The following KPNA6 variants were observed in gnomAD, a reference collection of about 807,000 sequenced individuals.
KPNA6 encodes importin subunit alpha-7.
A neutral mutation model predicts 72.0 loss-of-function variants in KPNA6; 9 were observed. That is an observed-to-expected ratio of 0.13 (90% CI 0.08 to 0.22). KPNA6 has a LOEUF of 0.22. Ranked by LOEUF, KPNA6 falls within the 10% of genes least tolerant of loss-of-function variation. KPNA6 has a pLI of 1.00. For synonymous variants in KPNA6, 219 were observed against 242.1 expected, an observed-to-expected ratio of 0.90 and a Z score of 0.89; for missense variants, 374 against 655.7, an observed-to-expected ratio of 0.57 and a Z score of 4.69.
chr1:32,118,121 A>G (rs1457655020), intron 1 of KPNA6, among the ~76,000 whole-genome samples: 1 of 151,938 alleles, frequency 6.6e-6, no homozygotes, highest in African/African-American at 2.4e-5. Context: ...ACGGGGTTTC[A>G]CCATGTTGGT....
In KPNA6 at chr1:32,127,472, A is replaced by G. The variant is rs1407780756; in HGVS notation, c.4+19338A>G. ...GATGAATTACATACAGGTTAGAGAAATCCCTGTTTCCAATTTGTCAGAAGG... is the reference window on the plus strand; with the variant it reads ...GATGAATTACATACAGGTTAGAGAAGTCCCTGTTTCCAATTTGTCAGAAGG... On this transcript the variant is annotated intron_variant, in intron 1 of 13. Coordinates refer to ENST00000373625, the MANE Select transcript of KPNA6 (RefSeq NM_012316.5). 2.0e-5 allele frequency among the ~76,000 whole-genome samples: 3 copies of G among 152,234 alleles called. No individual in the cohort carries two copies. In the East Asian group the frequency reaches 5.8e-4, roughly 29 times the overall value.
chr1:32,128,387 TTATATATATATATATATATA>T (rs67312157), intron 1 of KPNA6, among the ~76,000 whole-genome samples: 726 of 72,174 alleles, frequency 0.01, 34 homozygotes, highest in African/African-American at 0.031. Flanking sequence ...ATATATGTAT[TTATATATATATATATATATA>T]TATATATATA....
At chr1:32,164,017 A>G (rs1642287625) in intron 10 of KPNA6, among the ~76,000 whole-genome samples, 1 of 152,200 alleles carries the variant, frequency 6.6e-6, no homozygotes. Context: ...GAAATTTTTT[A>G]TCATCTCAAA....
intron 1 of KPNA6, among the ~76,000 whole-genome samples, chr1:32,140,375 C>T (rs530339800): frequency 6.6e-6 from 1 of 151,608 alleles, no homozygotes; most frequent in Admixed American, 6.6e-5. Context: ...CAGAGCGAGA[C>T]TCTGTCTCAG....
At chr1:32,137,387 G>A (rs1641753359) in intron 1 of KPNA6, among the ~76,000 whole-genome samples, 1 of 151,976 alleles carries the variant, frequency 6.6e-6, no homozygotes. Context: ...TACCCAGGCT[G>A]GTCTCTAACT....
At chr1:32,109,060 C>T (rs899001461) in intron 1 of KPNA6, among the ~76,000 whole-genome samples, 1 of 152,132 alleles carries the variant, frequency 6.6e-6, no homozygotes, top group African/African-American at 2.4e-5. Context: ...TAGATGCTAC[C>T]ATTGCCATTT....
intron 1 of KPNA6, among the ~76,000 whole-genome samples, chr1:32,133,117 G>A (rs1228525975): frequency 6.6e-6 from 1 of 152,052 alleles, no homozygotes; most frequent in Non-Finnish European, 1.5e-5. Flanking sequence ...GCTAAGGCAG[G>A]CAGATCACTT....
intron 1 of KPNA6, among the ~76,000 whole-genome samples, chr1:32,144,784 G>A (rs1641901918): frequency 6.6e-6 from 1 of 151,986 alleles, no homozygotes; most frequent in African/African-American, 2.4e-5. Context: ...CCGAGTAGCT[G>A]GGATTGCAAG....
At chr1:32,151,220 C>T (rs751471192) in intron 1 of KPNA6, among the ~76,000 whole-genome samples, 15 of 152,024 alleles carry the variant, frequency 9.9e-5, no homozygotes, top group Non-Finnish European at 1.6e-4. Context: ...GTGTAAGGCT[C>T]GTTTTTAAGC....
chr1:32,164,245 A>G (rs1642291484), intron 10 of KPNA6, among the ~76,000 whole-genome samples: 1 of 152,220 alleles, frequency 6.6e-6, no homozygotes, highest in Non-Finnish European at 1.5e-5. Context: ...CTCCTTTGAA[A>G]GGCTGAATGA....
At chr1:32,141,638 C>T (rs886499625) in intron 1 of KPNA6, among the ~76,000 whole-genome samples, 3 of 151,774 alleles carry the variant, frequency 2.0e-5, no homozygotes, top group African/African-American at 7.3e-5. Flanking sequence ...CTCAGATGAT[C>T]CACCCGCCTC....
chr1:32,142,098 T>C (rs111567759), intron 1 of KPNA6, among the ~76,000 whole-genome samples: 11,195 of 151,644 alleles, frequency 0.074, 551 homozygotes, highest in Non-Finnish European at 0.11. Flanking sequence ...CTACTAAAAA[T>C]GCAAAAAATT....
At chr1:32,167,374 A>T in intron 12 of KPNA6, 78 bp downstream of exon 12, 1 of 1,561,228 alleles carries the variant, frequency 6.4e-7, no homozygotes, top group Non-Finnish European at 8.8e-7. Flanking sequence ...GGTGACCTAT[A>T]AACTGCTCTT....
chr1:32,173,156 A>G lies in KPNA6; in HGVS notation c.*2262A>G, dbSNP rs911826119. ...CTTGGCCTGCTACCTCCATTAAAAA[A>G]CCATTCTCTTACAGTTTAAAAAAAA... On this transcript the variant is annotated 3_prime_UTR_variant, in exon 14 of 14. Coordinates refer to ENST00000373625, the MANE Select transcript of KPNA6 (RefSeq NM_012316.5). 13 of 384,406 alleles carry G rather than the reference A, an allele frequency of 3.4e-5. No homozygotes were observed. Among genetic ancestry groups the G allele is most frequent in the East Asian group, 3.7e-5 (1 of 27,396 alleles). 23.8% of individuals were successfully genotyped at this position (384,406 alleles called of 1,614,324 possible).
chr1:32,159,108 A>G (rs551639742), intron 5 of KPNA6, among the ~76,000 whole-genome samples: 2 of 152,334 alleles, frequency 1.3e-5, no homozygotes, highest in South Asian at 4.1e-4. Context: ...CAAAGGATGC[A>G]TGGGTGTTGT....
At chr1:32,152,133 A>G (rs1642042941) in intron 1 of KPNA6, among the ~76,000 whole-genome samples, 1 of 151,918 alleles carries the variant, frequency 6.6e-6, no homozygotes, top group Admixed American at 6.6e-5. Context: ...GTTCAAGACC[A>G]GCCTAGACGA....
intron 1 of KPNA6, among the ~76,000 whole-genome samples, chr1:32,125,591 G>A (rs1641517376): frequency 6.6e-6 from 1 of 152,194 alleles, no homozygotes; most frequent in Admixed American, 6.5e-5. Context: ...TCATGTAATA[G>A]TAAGATTTTG....
At chr1:32,153,292 G>T (rs561433688) in intron 1 of KPNA6, among the ~76,000 whole-genome samples, 9 of 152,008 alleles carry the variant, frequency 5.9e-5, no homozygotes, top group African/African-American at 1.9e-4. Context: ...CAGGCCAGGC[G>T]CAGTGGCTCA....
At chr1:32,138,126 ACT>A (rs1175427250) in intron 1 of KPNA6, among the ~76,000 whole-genome samples, 12 of 149,818 alleles carry the variant, frequency 8.0e-5, no homozygotes, top group Non-Finnish European at 4.4e-5. Flanking sequence ...CAAGAGTGAA[ACT>A]CTGTCCAAAA....
Sources: gnomAD v4.1 joint callset for allele counts (sites outside exome capture counted in the v4.1 genomes callset) on GRCh38, gnomAD v4.1.1 for gene constraint, MANE v1.5 for transcripts, NCBI Gene and HGNC (gene_info 2026-07-23, HGNC 2026-07-21) for gene names.